TEAD4: variants seen among roughly 807,000 people sequenced by gnomAD.
TEAD4 encodes the protein transcriptional enhancer factor TEF-3.
TEAD4 carries 36 observed loss-of-function variants against 52.4 expected under a neutral mutation model. That is an observed-to-expected ratio of 0.69 (90% CI 0.53 to 0.91). The LOEUF is 0.91. Among genes scored for constraint, TEAD4 ranks in the 40% least tolerant of loss-of-function variants. The pLI, the probability that TEAD4 is intolerant of heterozygous loss-of-function variation, is 0.00. For missense variants in TEAD4, 508 were observed against 583.9 expected (o/e 0.87, Z 1.34); for synonymous variants, 220 against 231.0 (o/e 0.95, Z 0.43).
intron 7 of TEAD4, 23 bp downstream of exon 7, chr12:3,018,611 CTTGCCAG>C (rs760167595): frequency 3.4e-4 from 556 of 1,613,930 alleles, no homozygotes; most frequent in Non-Finnish European, 4.4e-4. Context: ...TCTGGTTTCT[CTTGCCAG>C]TTGCTCCCTG....
intron 2 of TEAD4, among the ~76,000 whole-genome samples, chr12:2,966,567 T>A (rs7306310): frequency 2.1e-5 from 3 of 144,422 alleles, no homozygotes; most frequent in South Asian, 4.5e-4. Flanking sequence ...CACGCCACCA[T>A]GCCCAGCTAA....
chr12:2,976,755 G>A (rs2098230018), intron 2 of TEAD4, among the ~76,000 whole-genome samples: 1 of 129,090 alleles, frequency 7.7e-6, no homozygotes, highest in Admixed American at 7.6e-5. Context: ...TGGGATGCTG[G>A]GTCCAGGCAA....
At chr12:3,011,117 C>A (rs749953822) in intron 4 of TEAD4, 49 bp downstream of exon 4, 1 of 1,605,494 alleles carries the variant, frequency 6.2e-7, no homozygotes, top group Admixed American at 1.7e-5. Context: ...ACCCCAGCAC[C>A]AGTCTGCTCC....
At chr12:2,978,160 C>T (rs1042582649) in intron 2 of TEAD4, among the ~76,000 whole-genome samples, 2 of 152,156 alleles carry the variant, frequency 1.3e-5, no homozygotes, top group Non-Finnish European at 2.9e-5. Flanking sequence ...TCTTTTCCTT[C>T]TCTGCCCTCT....
At chr12:2,963,250 G>A (rs947317307) in intron 2 of TEAD4, among the ~76,000 whole-genome samples, 1 of 152,204 alleles carries the variant, frequency 6.6e-6, no homozygotes, top group Non-Finnish European at 1.5e-5. Context: ...CCCGGTGACT[G>A]TCACAAAGCA....
At chr12:2,962,346 A>ATATAAATATATATATAAATATATAAATAT (rs1350931012) in intron 2 of TEAD4, among the ~76,000 whole-genome samples, 1 of 128,062 alleles carries the variant, frequency 7.8e-6, no homozygotes, top group Non-Finnish European at 1.6e-5. Context: ...ATATATATAT[A>ATATAAATATATATATAAATATATAAATAT]TTTTTTGAGA....
At chr12:3,015,573 A>G (rs911048542) in intron 5 of TEAD4, among the ~76,000 whole-genome samples, 7 of 152,130 alleles carry the variant, frequency 4.6e-5, no homozygotes. Context: ...GGTGCTGCCC[A>G]CCTCATGGAG....
At chr12:3,019,610 C>T (rs145085945) in intron 8 of TEAD4, among the ~76,000 whole-genome samples, 5 of 152,300 alleles carry the variant, frequency 3.3e-5, no homozygotes, top group African/African-American at 1.2e-4. Context: ...AGGCAGCCAG[C>T]GGTGCTGACA....
intron 2 of TEAD4, among the ~76,000 whole-genome samples, chr12:2,975,145 C>T (rs1463859535): frequency 2.1e-5 from 3 of 143,478 alleles, no homozygotes; most frequent in Non-Finnish European, 3.0e-5. Context: ...AGAAAGGCCC[C>T]GAGGAGAAAA....
chr12:3,020,715 C>T lies in TEAD4; in HGVS notation c.665C>T (p.Ser222Phe). Residue 222 changes from serine to phenylalanine, a missense_variant, in exon 9 of 13, where the codon TCC becomes TTC. Transcript: ENST00000359864. Reference sequence around the variant, plus strand: ...TGGCAGGGCCGCAGCGTGGCCAGCTCCAAGCTCTGGATGTTGGAGTTCTCT... The same window carrying T: ...TGGCAGGGCCGCAGCGTGGCCAGCTTCAAGCTCTGGATGTTGGAGTTCTCT... 1.2e-6 allele frequency: 2 copies of T among 1,609,740 alleles called. No individual in the cohort carries two copies. The highest frequency in any genetic ancestry group is 1.7e-6 in the Non-Finnish European group (2 of 1,178,034).
At chr12:3,006,409 A>G (rs957051285) in intron 3 of TEAD4, among the ~76,000 whole-genome samples, 1 of 152,176 alleles carries the variant, frequency 6.6e-6, no homozygotes, top group African/African-American at 2.4e-5. Context: ...AAAAAGAAAG[A>G]AAAGCCAGGC....
chr12:3,034,168 T>C (rs1220366212), intron 10 of TEAD4, among the ~76,000 whole-genome samples: 2 of 146,946 alleles, frequency 1.4e-5, no homozygotes, highest in East Asian at 3.9e-4. Flanking sequence ...ACTGCTGGCC[T>C]GGGCTGGACA....
Position 3,002,695 on chromosome 12 carries a change from A to T in TEAD4, c.226+7703A>T, listed in dbSNP as rs117020295. ...AGAGCACACAGTAGGTGCCAAATGC[A>T]CAGCACGGGGTGAGGGGAACACGTA... On this transcript the variant is annotated intron_variant, in intron 3 of 12. Transcript: ENST00000359864. Among the ~76,000 whole-genome samples the T allele has an allele frequency of 1.7e-3, 262 of 152,338 alleles. 3 individuals carry two copies. Among genetic ancestry groups the T allele is most frequent in the East Asian group, 0.014 (74 of 5,186 alleles).
chr12:3,002,562 C>A (rs887404909), intron 3 of TEAD4, among the ~76,000 whole-genome samples: 1 of 152,206 alleles, frequency 6.6e-6, no homozygotes, highest in African/African-American at 2.4e-5. Flanking sequence ...GTGTGAAGCG[C>A]TATCTCGTGG....
intron 7 of TEAD4, 140 bp from the exon 8 acceptor site, chr12:3,018,975 G>C: frequency 2.0e-6 from 2 of 1,014,190 alleles, no homozygotes; most frequent in South Asian, 2.9e-5. Flanking sequence ...CGGCAGGGGC[G>C]GGAGTAGGAG....
intron 10 of TEAD4, among the ~76,000 whole-genome samples, chr12:3,033,970 G>A (rs911495438): frequency 2.0e-5 from 3 of 151,436 alleles, no homozygotes; most frequent in Non-Finnish European, 2.9e-5. Flanking sequence ...GTTCGTCCGT[G>A]TCGCCGGCTG....
chr12:2,983,336 C>G (rs975886453), intron 2 of TEAD4, among the ~76,000 whole-genome samples: 4 of 152,146 alleles, frequency 2.6e-5, no homozygotes, highest in African/African-American at 9.7e-5. Flanking sequence ...TGCGGGACAG[C>G]CTTCCGGGAT....
chr12:3,027,941 A>G (rs2098273039), intron 10 of TEAD4, among the ~76,000 whole-genome samples: 1 of 152,240 alleles, frequency 6.6e-6, no homozygotes, highest in African/African-American at 2.4e-5. Flanking sequence ...AATCAATTTT[A>G]GAACATTTTC....
chr12:2,970,526 C>T (rs988596121), intron 2 of TEAD4, among the ~76,000 whole-genome samples: 4 of 152,170 alleles, frequency 2.6e-5, no homozygotes, highest in African/African-American at 7.2e-5. Context: ...TAAAAACTGT[C>T]GAAGCTGGAA....
Sources: gnomAD v4.1 joint callset for allele counts (sites outside exome capture counted in the v4.1 genomes callset) on GRCh38, gnomAD v4.1.1 for gene constraint, MANE v1.5 for transcripts, NCBI Gene and HGNC (gene_info 2026-07-23, HGNC 2026-07-21) for gene names.